The following GSN variants were observed in gnomAD, a reference collection of about 807,000 sequenced individuals.
GSN encodes gelsolin.
Under a neutral mutation model 85.7 loss-of-function variants are expected in GSN, and 56 were observed. The observed-to-expected ratio is 0.65, with a 90% CI of 0.53 to 0.82. The LOEUF is 0.82. GSN is among the 40% of genes least tolerant of loss of function. The pLI, the probability that GSN is intolerant of heterozygous loss-of-function variation, is 0.00. For missense variants in GSN, 857 were observed against 979.8 expected, an observed-to-expected ratio of 0.87 and a Z score of 1.67; for synonymous variants, 373 against 399.1, an observed-to-expected ratio of 0.93 and a Z score of 0.78.
At position 121,326,412 on chromosome 9, in the gene GSN, A is replaced by G; in HGVS notation, c.1417-100A>G. 4 of 952,474 alleles carry G rather than the reference A, an allele frequency of 4.2e-6. No homozygotes were observed. In the Admixed American group the frequency reaches 7.4e-5, roughly 18 times the overall value. 59.0% of individuals were successfully genotyped at this position (952,474 alleles called of 1,614,324 possible). ...CACATTCCATGCCACACACAGACAC[A>G]AGCATGATGGCTTCGTCTGGAGGGA... On this transcript the variant is annotated intron_variant, in intron 12 of 17. Transcript: ENST00000432226.
In GSN at chr9:121,318,697, A is replaced by T. The variant is rs1589131681; in HGVS notation, c.1008A>T (p.Pro336=). Residue 336 remains proline, a synonymous_variant, in exon 10 of 18, where the codon CCA becomes CCT. Coordinates refer to ENST00000432226, the MANE Select transcript of GSN (RefSeq NM_198252.3). This position sits in a 1 kb window ranked among gnomAD's most constrained non-coding sequence, Gnocchi z 4.3. ...TCCTTCCTGAGGGCGGTGAGACCCC[A>T]CTGTTCAAGCAGTTCTTCAAGAACT... The part of the protein sequence containing the change: ...VSVLPEGGET[P]LFKQFFKNWR... 6.2e-7 allele frequency: 1 copy of T among 1,613,766 alleles called. No homozygotes were observed. The highest frequency in any genetic ancestry group is 8.5e-7 in the Non-Finnish European group (1 of 1,179,722).
intron 4 of GSN, among the ~76,000 whole-genome samples, chr9:121,305,265 C>A (rs186347341): frequency 6.6e-6 from 1 of 152,134 alleles, no homozygotes; most frequent in Non-Finnish European, 1.5e-5. Flanking sequence ...GGTAATGCTC[C>A]ATTTCATAGA....
At chr9:121,272,950 A>G (rs12002173) in intron 1 of GSN, among the ~76,000 whole-genome samples, 4,051 of 152,186 alleles carry the variant, frequency 0.027, 192 homozygotes, top group African/African-American at 0.093. Flanking sequence ...GGGCCCACAC[A>G]CAGCCTGTCA....
intron 6 of GSN, among the ~76,000 whole-genome samples, chr9:121,258,270 C>T (rs977077034): frequency 6.6e-6 from 1 of 152,240 alleles, no homozygotes; most frequent in African/African-American, 2.4e-5. Flanking sequence ...CAAGGCCATC[C>T]TGGCCAACGT....
chr9:121,216,635 C>T (rs1324054721), intron 4 of GSN, among the ~76,000 whole-genome samples: 3 of 152,158 alleles, frequency 2.0e-5, no homozygotes, highest in Non-Finnish European at 2.9e-5. Flanking sequence ...CCCCAGGTTC[C>T]GTAGTACCTT....
rs751250838 is a variant in GSN at position 121,329,355 on chromosome 9, A to T, written c.1965+40A>T. On this transcript the variant is annotated intron_variant, in intron 16 of 17. Transcript: ENST00000432226. The surrounding 1 kb of genome is among the most constrained non-coding windows in gnomAD (Gnocchi z 4.6). ...GGTGAAGGCTCTCTGTGCCAGAGGG[A>T]GTGGGAGAAACTAGACTTCCAGTTC... 2 of 1,183,920 alleles carry T rather than the reference A, an allele frequency of 1.7e-6. No homozygotes were observed. The highest frequency in any genetic ancestry group is 2.5e-6 in the Non-Finnish European group (2 of 787,058). The allele number at this position is 1,183,920 out of a possible 1,614,324, so 73.3% of individuals were successfully genotyped here.
chr9:121,236,804 T>G (rs1320162152), intron 5 of GSN, among the ~76,000 whole-genome samples: 2 of 152,174 alleles, frequency 1.3e-5, no homozygotes, highest in East Asian at 3.8e-4. Flanking sequence ...AACATTACCC[T>G]GAAAAGGCAG....
chr9:121,225,897 C>A (rs913156279), intron 4 of GSN, among the ~76,000 whole-genome samples: 3 of 152,160 alleles, frequency 2.0e-5, no homozygotes, highest in Non-Finnish European at 4.4e-5. Flanking sequence ...CTCCAACTCC[C>A]GGGTTCAAGT....
At chr9:121,249,049 A>T (rs1368779397) in intron 6 of GSN, among the ~76,000 whole-genome samples, 2 of 152,130 alleles carry the variant, frequency 1.3e-5, no homozygotes, top group Non-Finnish European at 2.9e-5. Flanking sequence ...TAGATGTAAG[A>T]TGATAACATA....
In GSN at chr9:121,261,483, T is replaced by A. The variant is rs2055083592; in HGVS notation, c.-340-3671T>A. Among the ~76,000 whole-genome samples the A allele has an allele frequency of 6.6e-6, 1 of 152,268 alleles. No individual in the cohort carries two copies. ...AGTCCCAGCTCTGCCATTCCCTAGT[T>A]GTGAAATGTAAATAAGAGATTTCAC... On this transcript the variant is annotated intron_variant, in intron 6 of 24. Transcript: ENST00000373823. The surrounding 1 kb of genome is among the most constrained non-coding windows in gnomAD (Gnocchi z 4.1).
At position 121,284,900 on chromosome 9, in the gene GSN, C is replaced by G. The variant is rs150004760; in HGVS notation, c.-10+3338C>G. The G allele has an allele frequency of 5.9e-3, 989 of 167,526 alleles. 4 individuals are homozygous for G. The highest frequency in any genetic ancestry group is 8.6e-3 in the Non-Finnish European group (590 of 68,356). The allele number at this position is 167,526 out of a possible 1,614,324, so 10.4% of individuals were successfully genotyped here. On this transcript the variant is annotated intron_variant, in intron 2 of 17. Coordinates refer to ENST00000432226, the MANE Select transcript of GSN (RefSeq NM_198252.3). ...CATTGCTGAAGCCTTGTCACTCCCC[C>G]CACCGCACACACACAGCAACATCCT...
chr9:121,304,375 T>C lies in GSN; in HGVS notation c.351+1310T>C, dbSNP rs190268701. On this transcript the variant is annotated intron_variant, in intron 4 of 17. Transcript: ENST00000432226. ...TCTTCCCACAGCCCTTTCTGGGGCC[T>C]TGATACCTTGCAGAAGGAGAGGTGA... Among the ~76,000 whole-genome samples, 60 of 152,332 alleles carry C rather than the reference T, an allele frequency of 3.9e-4. No homozygotes were observed. The East Asian group carries it at 9.1e-3, about 23-fold the overall frequency.
intron 4 of GSN, among the ~76,000 whole-genome samples, chr9:121,303,308 C>T (rs1234357536): frequency 6.6e-6 from 1 of 152,188 alleles, no homozygotes; most frequent in Non-Finnish European, 1.5e-5. Flanking sequence ...GAAAATTCCC[C>T]ATAAGTTCAT....
intron 4 of GSN, among the ~76,000 whole-genome samples, chr9:121,303,722 C>T (rs1193567238): frequency 6.6e-6 from 1 of 152,172 alleles, no homozygotes; most frequent in East Asian, 1.9e-4. Context: ...CCCTACAGGG[C>T]TGGGAGAGGA....
chr9:121,269,132 T>A (rs144469603), intron 1 of GSN, among the ~76,000 whole-genome samples: 2 of 152,290 alleles, frequency 1.3e-5, no homozygotes, highest in African/African-American at 4.8e-5. Context: ...CTGAGGGTAA[T>A]TGGACTTTGT....
intron 2 of GSN, among the ~76,000 whole-genome samples, chr9:121,295,570 G>T (rs2059131858): frequency 6.6e-6 from 1 of 152,204 alleles, no homozygotes; most frequent in African/African-American, 2.4e-5. Flanking sequence ...GGGATGGAAG[G>T]GGCGGGGGAG....
chr9:121,326,881 T>C, intron 13 of GSN, 199 bp downstream of exon 13: 1 of 736,904 alleles, frequency 1.4e-6, no homozygotes, highest in South Asian at 1.5e-5. Context: ...CCAGTGTCCC[T>C]TGCACACTTT....
At position 121,302,189 on chromosome 9, in the gene GSN, C is replaced by T. The variant is rs367699933; in HGVS notation, c.196+22C>T. The T allele has an allele frequency of 1.9e-6, 3 of 1,612,716 alleles. No homozygotes were observed. In the African/African-American group the frequency reaches 4.0e-5, roughly 22 times the overall value. On this transcript the variant is annotated intron_variant, in intron 3 of 17. Coordinates refer to ENST00000432226, the MANE Select transcript of GSN (RefSeq NM_198252.3). ...CTGGGTGAGGCTGGCCCTGCCCAGCCCCTGCCCCAGCCCCCATTCTGAACA... is the reference window on the plus strand; with the variant it reads ...CTGGGTGAGGCTGGCCCTGCCCAGCTCCTGCCCCAGCCCCCATTCTGAACA...
At chr9:121,266,510 G>A (rs538824526), upstream of GSN, among the ~76,000 whole-genome samples, 107 of 152,356 alleles carry the variant, frequency 7.0e-4, no homozygotes, top group Non-Finnish European at 1.3e-3. Flanking sequence ...TCCCTGCGGG[G>A]TGGATACCTT....
Sources: gnomAD v4.1 joint callset for allele counts (sites outside exome capture counted in the v4.1 genomes callset) on GRCh38, gnomAD v4.1.1 for gene constraint, Gnocchi (gnomAD v3.1) non-coding constraint, MANE v1.5 for transcripts, NCBI Gene and HGNC (gene_info 2026-07-23, HGNC 2026-07-21) for gene names.